The following NOL10 variants were observed in gnomAD, a reference collection of about 807,000 sequenced individuals.
The protein encoded by NOL10 is H_NH0074G24.1.
A neutral mutation model predicts 103.5 loss-of-function variants in NOL10; 58 were observed. The observed-to-expected ratio is 0.56, with a 90% confidence interval of 0.45 to 0.70. The LOEUF (loss-of-function observed/expected upper bound fraction) is 0.70, where lower values mean the gene tolerates loss of function less well. Ranked by LOEUF, NOL10 falls within the 30% of genes least tolerant of loss-of-function variation. The probability of loss-of-function intolerance (pLI) is 0.00; values close to 1 mark genes in which losing one functional copy is unlikely to be tolerated. For missense variants in NOL10, 763 were observed against 807.3 expected, an observed-to-expected ratio of 0.95 and a Z score of 0.67; for synonymous variants, 287 against 282.5, an observed-to-expected ratio of 1.02 and a Z score of -0.16.
intron 4 of NOL10, among the ~76,000 whole-genome samples, chr2:10,674,635 C>T (rs1044270945): frequency 6.6e-6 from 1 of 151,606 alleles, no homozygotes; most frequent in Non-Finnish European, 1.5e-5. Context: ...GTCAGGAGTT[C>T]GAGACCAGCC....
At chr2:10,588,943 T>C in intron 19 of NOL10, 100 bp downstream of exon 19, 2 of 1,509,880 alleles carry the variant, frequency 1.3e-6, no homozygotes, top group Admixed American at 1.9e-5. Context: ...TGCACCTCCA[T>C]CATCCAAAGA....
At position 10,587,145 on chromosome 2, in the gene NOL10, A is replaced by AT. The variant is rs1675115115; in HGVS notation, c.1844+1897dup. ...CATATATATACATATATACACATAT[A>AT]TATACATATATACACATATATACAC... On this transcript the variant is annotated intron_variant, in intron 19 of 20. Coordinates refer to ENST00000381685, the MANE Select transcript of NOL10 (RefSeq NM_024894.4). Among the ~76,000 whole-genome samples, 2 of 42,472 alleles carry AT rather than the reference A, an allele frequency of 4.7e-5. 1 individual carries two copies. Among genetic ancestry groups the AT allele is most frequent in the South Asian group, 9.6e-4 (2 of 2,082 alleles). 27.9% of individuals were successfully genotyped at this position (42,472 alleles called of 152,430 possible).
At chr2:10,644,105 C>A (rs910815186) in intron 13 of NOL10, among the ~76,000 whole-genome samples, 1 of 152,100 alleles carries the variant, frequency 6.6e-6, no homozygotes, top group Admixed American at 6.5e-5. Context: ...CAAAAATTAG[C>A]CAGGTGTGGT....
At chr2:10,577,349 T>A (rs555023998) in intron 20 of NOL10, among the ~76,000 whole-genome samples, 2 of 152,242 alleles carry the variant, frequency 1.3e-5, no homozygotes, top group Admixed American at 1.3e-4. Flanking sequence ...TACAGAGCAA[T>A]CCAGAAACCA....
At position 10,587,056 on chromosome 2, in the gene NOL10, CATATATATAT is replaced by C. The variant is rs200196813; in HGVS notation, c.1844+1977_1844+1986del. 1.3e-3 allele frequency among the ~76,000 whole-genome samples: 71 copies of C among 54,658 alleles called. 11 individuals are homozygous for C. The highest frequency in any genetic ancestry group is 5.7e-3 in the African/African-American group (62 of 10,940). The allele number at this position is 54,658 out of a possible 152,430, so 35.9% of individuals were successfully genotyped here. On this transcript the variant is annotated intron_variant, in intron 19 of 20. Transcript: ENST00000381685. Reference sequence around the variant, plus strand: ...AAAAAGTTAAATGTATATATATATACATATATATATACATATATATACATATATATACATA... The same window carrying C: ...AAAAAGTTAAATGTATATATATATACACATATATATACATATATATACATA...
chr2:10,629,625 ACTT>A (rs1677706411), intron 13 of NOL10, among the ~76,000 whole-genome samples: 1 of 152,196 alleles, frequency 6.6e-6, no homozygotes, highest in Non-Finnish European at 1.5e-5. Context: ...AAAAAATCAG[ACTT>A]CTTATTTAAA....
chr2:10,650,617 G>A (rs752183096), intron 12 of NOL10, among the ~76,000 whole-genome samples: 6 of 151,982 alleles, frequency 3.9e-5, no homozygotes, highest in South Asian at 2.1e-4. Flanking sequence ...GGGGAGAGCC[G>A]GCGTGATGGT....
At chr2:10,652,042 C>A (rs1247371440) in intron 12 of NOL10, among the ~76,000 whole-genome samples, 1 of 151,984 alleles carries the variant, frequency 6.6e-6, no homozygotes, top group Non-Finnish European at 1.5e-5. Context: ...GAGTTCGAGA[C>A]CAGCCTGACC....
intron 12 of NOL10, among the ~76,000 whole-genome samples, chr2:10,645,927 A>G (rs560728499): frequency 7.9e-6 from 1 of 127,116 alleles, no homozygotes; most frequent in South Asian, 2.8e-4. Flanking sequence ...TATGCACACA[A>G]AACACACACA....
intron 6 of NOL10, among the ~76,000 whole-genome samples, chr2:10,669,521 C>T (rs940768086): frequency 7.0e-4 from 68 of 96,806 alleles, no homozygotes; most frequent in Non-Finnish European, 1.8e-3. Context: ...TATACACACA[C>T]ACACACACAC....
chr2:10,607,101 C>CT, intron 14 of NOL10, 84 bp downstream of exon 14: 1 of 879,458 alleles, frequency 1.1e-6, no homozygotes, highest in Non-Finnish European at 1.6e-6. Context: ...GTAAACATGG[C>CT]TCAGCCAATT....
chr2:10,678,922 A>C (rs1681519728), intron 3 of NOL10, among the ~76,000 whole-genome samples: 1 of 152,188 alleles, frequency 6.6e-6, no homozygotes, highest in African/African-American at 2.4e-5. Context: ...ATGAATTAAA[A>C]TCAAATTAAA....
rs1446689849 is a variant in NOL10 at position 10,648,766 on chromosome 2, G to A, written c.974-4394C>T. On this transcript the variant is annotated intron_variant, in intron 12 of 20. Coordinates refer to ENST00000381685, the MANE Select transcript of NOL10 (RefSeq NM_024894.4). ...AGAGGATCAAGTTAAACAACATCAC[G>A]AGAAAAAAAAATCACATAAATCGAG... Among the ~76,000 whole-genome samples, 4 of 151,334 alleles carry A rather than the reference G, an allele frequency of 2.6e-5. No individual in the cohort carries two copies. In the East Asian group the frequency reaches 5.8e-4, roughly 22 times the overall value.
At chr2:10,670,546 C>T (rs1056824530) in intron 6 of NOL10, among the ~76,000 whole-genome samples, 2 of 152,050 alleles carry the variant, frequency 1.3e-5, no homozygotes, top group East Asian at 1.9e-4. Context: ...ACCAGCCTGG[C>T]CAACAAGGTG....
intron 20 of NOL10, among the ~76,000 whole-genome samples, chr2:10,577,068 G>C (rs12473787): frequency 0.34 from 52,057 of 151,790 alleles, 9,312 homozygotes; most frequent in Non-Finnish European, 0.4. Context: ...CAATGTGACA[G>C]GTATTATTAC....
rs1553313941 is a variant in NOL10 at position 10,671,661 on chromosome 2, AATGTATCTATCATTATG to A, written c.340_356del (p.His114Ter). 6.3e-7 allele frequency: 1 copy of A among 1,576,852 alleles called. No homozygotes were observed. The highest frequency in any genetic ancestry group is 8.6e-7 in the Non-Finnish European group (1 of 1,158,884). ...AAAAACCTGATTGCGAATGAAATTC[AATGTATCTATCATTATG>A]TAAGAAGACAATCTGAAAATAAAAC... is the stretch of plus-strand genomic sequence containing the variant. On this transcript the variant is annotated frameshift_variant, in exon 6 of 21. Transcript: ENST00000381685. LOFTEE classifies it high-confidence loss of function.
At chr2:10,677,066 G>A (rs796584331) in intron 3 of NOL10, among the ~76,000 whole-genome samples, 20 of 151,856 alleles carry the variant, frequency 1.3e-4, no homozygotes, top group African/African-American at 4.6e-4. Flanking sequence ...AGCCTCCCAA[G>A]TAGCTGGGAT....
At chr2:10,643,614 G>A (rs1345138825) in intron 13 of NOL10, among the ~76,000 whole-genome samples, 1 of 152,112 alleles carries the variant, frequency 6.6e-6, no homozygotes, top group Admixed American at 6.6e-5. Context: ...CCCTGATCAG[G>A]ATGATCTATG....
At chr2:10,612,460 A>C (rs1405453243) in intron 13 of NOL10, among the ~76,000 whole-genome samples, 1 of 152,188 alleles carries the variant, frequency 6.6e-6, no homozygotes, top group East Asian at 1.9e-4. Context: ...AATAATTGAT[A>C]ACATAGAACA....
Sources: gnomAD v4.1 joint callset for allele counts (sites outside exome capture counted in the v4.1 genomes callset) on GRCh38, gnomAD v4.1.1 for gene constraint, MANE v1.5 for transcripts, NCBI Gene and HGNC (gene_info 2026-07-23, HGNC 2026-07-21) for gene names.